The following UBA3 variants were observed in gnomAD, a reference collection of about 807,000 sequenced individuals.
The protein encoded by UBA3 is ubiquitin like modifier activating enzyme 3.
In UBA3, 26 loss-of-function variants were observed where a neutral mutation model predicts 73.5. The ratio of observed to expected loss-of-function variants is 0.35; its 90% CI spans 0.26 to 0.49. UBA3 has a LOEUF of 0.49. Ranked by LOEUF, UBA3 falls within the 20% of genes least tolerant of loss-of-function variation. UBA3 has a pLI of 0.98. For missense variants in UBA3, 495 were observed against 555.6 expected (o/e 0.89, Z 1.10); for synonymous variants, 217 against 191.2 (o/e 1.13, Z -1.11).
At position 69,056,673 on chromosome 3, in the gene UBA3, T is replaced by C; in HGVS notation, c.1022A>G (p.Asn341Ser). The C allele has an allele frequency of 6.2e-7, 1 of 1,613,498 alleles. No individual in the cohort carries two copies. Among genetic ancestry groups the C allele is most frequent in the Non-Finnish European group, 8.5e-7 (1 of 1,179,592 alleles). ...ATCTACATCATTAAACACCAAGTAA[T>C]TATTCAAGGGAATGTATGCACTGTA... Reference protein sequence around the residue: ...IATSAYIPLNNYLVFNDVDGL... With the variant: ...IATSAYIPLNSYLVFNDVDGL... The change falls in exon 14 of 18, where the codon AAT becomes AGT. Residue 341 changes from asparagine to serine, a missense_variant. By Grantham distance (46) the Asn-to-Ser change is conservative (BLOSUM62 1). Coordinates refer to ENST00000361055, the MANE Select transcript of UBA3 (RefSeq NM_003968.4).
At position 69,080,183 on chromosome 3, in the gene UBA3, A is replaced by G. The variant is rs772676893; in HGVS notation, c.21-30T>C. 6.9e-6 allele frequency: 11 copies of G among 1,600,880 alleles called. No individual in the cohort carries two copies. In the South Asian group the frequency reaches 1.1e-4, roughly 16 times the overall value. On this transcript the variant is annotated intron_variant, in intron 1 of 17. Transcript: ENST00000361055. ...AAGAGAGAATAAAAGAAGGGTCAGC[A>G]TCGCGCTACACACTGGGCGCCGCGA...
chr3:69,075,275 A>T, intron 4 of UBA3, 155 bp downstream of exon 4: 1 of 276,838 alleles, frequency 3.6e-6, no homozygotes, highest in Non-Finnish European at 6.7e-6. Flanking sequence ...CTACCATTTT[A>T]ATTACTGTTT....
At chr3:69,072,867 C>G (rs1264589319) in intron 4 of UBA3, among the ~76,000 whole-genome samples, 1 of 152,180 alleles carries the variant, frequency 6.6e-6, no homozygotes, top group Admixed American at 6.5e-5. Context: ...AGAGCAAAAA[C>G]CTTGTTGTAT....
At chr3:69,060,899 G>A (rs1021549404) in intron 11 of UBA3, among the ~76,000 whole-genome samples, 1 of 152,174 alleles carries the variant, frequency 6.6e-6, no homozygotes, top group African/African-American at 2.4e-5. Flanking sequence ...GCTTTCACGA[G>A]TAAAAGCTTC....
chr3:69,061,741 C>T lies in UBA3; in HGVS notation c.910+73G>A, dbSNP rs113630852. On this transcript the variant is annotated intron_variant, in intron 11 of 17. Coordinates refer to ENST00000361055, the MANE Select transcript of UBA3 (RefSeq NM_003968.4). ...GATGGTACTGTCTAAACTCACTTAT[C>T]GATTATTCTCCTGAAAGCATCCCAG... is the stretch of plus-strand genomic sequence containing the variant. 6.8e-4 allele frequency: 642 copies of T among 937,776 alleles called. 2 individuals are homozygous for T. The African/African-American group carries it at 9.4e-3, about 14-fold the overall frequency. The allele number at this position is 937,776 out of a possible 1,614,324, so 58.1% of individuals were successfully genotyped here.
intron 12 of UBA3, 142 bp from the exon 13 acceptor site, chr3:69,056,957 A>G: frequency 1.1e-6 from 1 of 893,954 alleles, no homozygotes. Context: ...TGAGACAGTA[A>G]CAAATTTTAC....
At chr3:69,080,188 G>A (rs914416358) in intron 1 of UBA3, 35 bp from the exon 2 acceptor site, 8 of 1,583,158 alleles carry the variant, frequency 5.1e-6, no homozygotes, top group Non-Finnish European at 6.9e-6. Context: ...TCAGCATCGC[G>A]CTACACACTG....
At chr3:69,069,235 T>A (rs2092100975) in intron 5 of UBA3, among the ~76,000 whole-genome samples, 1 of 152,220 alleles carries the variant, frequency 6.6e-6, no homozygotes, top group African/African-American at 2.4e-5. Flanking sequence ...CAGTAAATAC[T>A]TTTAAAATAA....
intron 11 of UBA3, among the ~76,000 whole-genome samples, chr3:69,058,152 G>A (rs938925581): frequency 9.9e-5 from 15 of 151,966 alleles, no homozygotes; most frequent in Admixed American, 1.3e-4. Flanking sequence ...CGATGGTCTC[G>A]ATATCCTGAC....
rs139080484 is a variant in UBA3 at position 69,057,023 on chromosome 3, A to C, written c.965-208T>G. ...ACACTACATGTTTTTCTTGTTTATC[A>C]GATTAATAAATGGCCTGCTTCATAT... On this transcript the variant is annotated intron_variant, in intron 12 of 17. Transcript: ENST00000361055. Among the ~76,000 whole-genome samples, 300 of 152,328 alleles carry C rather than the reference A, an allele frequency of 2.0e-3. 2 individuals carry two copies. The highest frequency in any genetic ancestry group is 6.8e-3 in the Middle Eastern group (2 of 294).
At chr3:69,055,668 T>TA (rs1485448570) in intron 17 of UBA3, 143 bp from the exon 18 acceptor site, 3 of 900,478 alleles carry the variant, frequency 3.3e-6, no homozygotes, top group African/African-American at 1.7e-5. Flanking sequence ...TTTGATTTCT[T>TA]AGAGATTTTA....
chr3:69,066,031 A>G (rs890822527), intron 6 of UBA3, among the ~76,000 whole-genome samples: 1 of 152,086 alleles, frequency 6.6e-6, no homozygotes, highest in Non-Finnish European at 1.5e-5. Flanking sequence ...GATGCTTTAC[A>G]AGTATTTTCT....
chr3:69,070,500 A>G (rs74754605), intron 5 of UBA3, among the ~76,000 whole-genome samples: 1,778 of 151,780 alleles, frequency 0.012, 29 homozygotes, highest in African/African-American at 0.041. Flanking sequence ...ATAGAGAGAG[A>G]AAAAAAAAGT....
At chr3:69,057,966 C>T (rs2091989650) in intron 11 of UBA3, among the ~76,000 whole-genome samples, 1 of 141,014 alleles carries the variant, frequency 7.1e-6, no homozygotes, top group Non-Finnish European at 1.5e-5. Flanking sequence ...CGCTCTGTCG[C>T]CCAGGCTGGA....
chr3:69,073,909 C>G (rs1200027686), intron 4 of UBA3, among the ~76,000 whole-genome samples: 1 of 152,110 alleles, frequency 6.6e-6, no homozygotes, highest in Admixed American at 6.5e-5. Flanking sequence ...TCCCAAAGTG[C>G]TGGGATTACA....
At chr3:69,072,578 C>T (rs1002197951) in intron 4 of UBA3, among the ~76,000 whole-genome samples, 3 of 152,250 alleles carry the variant, frequency 2.0e-5, no homozygotes, top group Non-Finnish European at 4.4e-5. Flanking sequence ...TCACCACACT[C>T]ATGAGAATTT....
intron 6 of UBA3, among the ~76,000 whole-genome samples, chr3:69,067,245 T>C (rs889816709): frequency 6.6e-6 from 1 of 152,222 alleles, no homozygotes; most frequent in East Asian, 1.9e-4. Flanking sequence ...GTTTCTTTCA[T>C]CAGCATTTTG....
chr3:69,062,272 C>T lies in UBA3; in HGVS notation c.694-93G>A. Reference sequence around the variant, plus strand: ...TGATCTAGTTCTTAACAATTTCATACAATTTGTTTCAACTCAAAATATTGT... The same window carrying T: ...TGATCTAGTTCTTAACAATTTCATATAATTTGTTTCAACTCAAAATATTGT... On this transcript the variant is annotated intron_variant, in intron 9 of 17. Transcript: ENST00000361055. 4.8e-6 allele frequency: 4 copies of T among 830,540 alleles called. No homozygotes were observed. In the South Asian group the frequency reaches 6.2e-5, roughly 13 times the overall value. The allele number at this position is 830,540 out of a possible 1,614,324, so 51.4% of individuals were successfully genotyped here.
chr3:69,079,409 A>T (rs1054703516), intron 2 of UBA3, among the ~76,000 whole-genome samples: 1 of 152,232 alleles, frequency 6.6e-6, no homozygotes, highest in African/African-American at 2.4e-5. Context: ...TCGGCACGGA[A>T]ATTTACAAAC....
Sources: allele counts gnomAD v4.1 joint callset (sites outside exome capture counted in the v4.1 genomes callset), GRCh38; gene constraint gnomAD v4.1.1; transcripts MANE v1.5; gene names NCBI Gene and HGNC (gene_info 2026-07-23, HGNC 2026-07-21).